ARMH3: variants seen among roughly 807,000 people sequenced by gnomAD.
The protein encoded by ARMH3 is armadillo like helical domain containing 3.
In ARMH3, 60 loss-of-function variants were observed where a neutral mutation model predicts 99.1. The observed-to-expected ratio is 0.61, with a 90% CI of 0.49 to 0.75. The LOEUF (loss-of-function observed/expected upper bound fraction) is 0.75, where lower values mean the gene tolerates loss of function less well. Ranked by LOEUF, ARMH3 falls within the 30% of genes least tolerant of loss-of-function variation. The probability of loss-of-function intolerance (pLI) is 0.00; values close to 1 mark genes in which losing one functional copy is unlikely to be tolerated. For synonymous variants in ARMH3, 285 were observed against 292.8 expected, an observed-to-expected ratio of 0.97 and a Z score of 0.27; for missense variants, 679 against 843.1, an observed-to-expected ratio of 0.81 and a Z score of 2.41.
chr10:101,977,151 T>C (rs773538450), intron 19 of ARMH3, among the ~76,000 whole-genome samples: 8 of 152,214 alleles, frequency 5.3e-5, no homozygotes, highest in Admixed American at 1.3e-4. Flanking sequence ...AACTTTTCTA[T>C]TATCACAAAA....
At chr10:101,941,387 CAAAAGA>C (rs1374299115) in intron 22 of ARMH3, among the ~76,000 whole-genome samples, 1 of 151,898 alleles carries the variant, frequency 6.6e-6, no homozygotes, top group Admixed American at 6.6e-5. Flanking sequence ...TGGACTTTCC[CAAAAGA>C]AAAAAAGTAG....
At chr10:101,907,385 G>T (rs1465250547) in intron 23 of ARMH3, among the ~76,000 whole-genome samples, 101 of 136,874 alleles carry the variant, frequency 7.4e-4, no homozygotes, top group East Asian at 1.7e-3. Flanking sequence ...CTTTGTTTTT[G>T]TTTTTTTTTT....
chr10:101,917,630 A>G (rs1226339907), intron 23 of ARMH3, among the ~76,000 whole-genome samples: 2 of 152,204 alleles, frequency 1.3e-5, no homozygotes, highest in Non-Finnish European at 2.9e-5. Context: ...TCTACTTTGG[A>G]AAATATCTGC....
At chr10:102,018,933 G>A (rs1244025227) in intron 8 of ARMH3, among the ~76,000 whole-genome samples, 1 of 151,908 alleles carries the variant, frequency 6.6e-6, no homozygotes, top group Non-Finnish European at 1.5e-5. Flanking sequence ...CTCCATCCTG[G>A]GCAACGGAGT....
At chr10:102,042,568 C>G (rs2067448030) in intron 1 of ARMH3, among the ~76,000 whole-genome samples, 1 of 152,134 alleles carries the variant, frequency 6.6e-6, no homozygotes, top group Non-Finnish European at 1.5e-5. Context: ...CAGCCAAGGC[C>G]TCAACTCACT....
intron 1 of ARMH3, among the ~76,000 whole-genome samples, chr10:102,043,646 C>G (rs1262170837): frequency 6.6e-6 from 1 of 152,206 alleles, no homozygotes. Flanking sequence ...TTAAATCCTT[C>G]TGGCAAAGAA....
intron 19 of ARMH3, among the ~76,000 whole-genome samples, chr10:101,979,658 T>C (rs766107186): frequency 5.3e-5 from 8 of 152,222 alleles, no homozygotes; most frequent in Non-Finnish European, 7.4e-5. Flanking sequence ...AAAAACTCTG[T>C]GGCCTACGTT....
intron 24 of ARMH3, among the ~76,000 whole-genome samples, chr10:101,870,286 A>C (rs2067103379): frequency 6.6e-6 from 1 of 152,240 alleles, no homozygotes; most frequent in Non-Finnish European, 1.5e-5. Context: ...TTCCTTGAAG[A>C]CACAAATGAT....
chr10:101,933,982 A>G lies in ARMH3; in HGVS notation c.1781+5881T>C, dbSNP rs1843837307. On this transcript the variant is annotated intron_variant, in intron 23 of 25. Coordinates refer to ENST00000370033, the MANE Select transcript of ARMH3 (RefSeq NM_024541.3). ...GTTAAGTGAATTATAGCAATGCAGC[A>G]AAGATTTCAGCCCAAACAGGTGAGT... 3.3e-5 allele frequency among the ~76,000 whole-genome samples: 5 copies of G among 152,354 alleles called. No individual in the cohort carries two copies. The South Asian group carries it at 1.0e-3, about 32-fold the overall frequency.
chr10:102,042,146 C>T (rs1441725163), intron 1 of ARMH3, among the ~76,000 whole-genome samples: 1 of 152,152 alleles, frequency 6.6e-6, no homozygotes, highest in African/African-American at 2.4e-5. Context: ...GTCTTTTAAA[C>T]ATGTTGTCAA....
chr10:101,978,829 T>C (rs922309201), intron 19 of ARMH3, among the ~76,000 whole-genome samples: 9 of 151,944 alleles, frequency 5.9e-5, no homozygotes, highest in African/African-American at 1.9e-4. Flanking sequence ...TAATCCCAGC[T>C]ACTCAGGAGG....
intron 22 of ARMH3, among the ~76,000 whole-genome samples, chr10:101,944,718 G>A (rs1416379948): frequency 1.3e-5 from 2 of 152,006 alleles, no homozygotes; most frequent in Non-Finnish European, 1.5e-5. Context: ...GGAGGCTGAG[G>A]CACAAGAATC....
chr10:102,014,744 A>G (rs1006978618), intron 8 of ARMH3, among the ~76,000 whole-genome samples: 2 of 152,222 alleles, frequency 1.3e-5, no homozygotes, highest in African/African-American at 2.4e-5. Flanking sequence ...TCCAGACCCA[A>G]TCTCAGTTGG....
intron 8 of ARMH3, among the ~76,000 whole-genome samples, chr10:102,019,106 T>C (rs1302686547): frequency 6.6e-6 from 1 of 152,284 alleles, no homozygotes; most frequent in South Asian, 2.1e-4. Context: ...TGGAGTGTAG[T>C]GGTGCGATCT....
At chr10:102,007,421 C>T (rs972768383) in intron 13 of ARMH3, among the ~76,000 whole-genome samples, 1 of 151,078 alleles carries the variant, frequency 6.6e-6, no homozygotes, top group Non-Finnish European at 1.5e-5. Flanking sequence ...CCATCCAGAC[C>T]TGGGATCTCA....
intron 22 of ARMH3, among the ~76,000 whole-genome samples, chr10:101,943,709 G>A (rs933714888): frequency 6.6e-6 from 1 of 152,016 alleles, no homozygotes; most frequent in Non-Finnish European, 1.5e-5. Flanking sequence ...GGGAAAATCA[G>A]TCAGTAGAAA....
At chr10:102,040,959 T>C (rs2067396393) in intron 1 of ARMH3, among the ~76,000 whole-genome samples, 1 of 151,724 alleles carries the variant, frequency 6.6e-6, no homozygotes, top group Admixed American at 6.6e-5. Context: ...TGACTGTCTT[T>C]AGAAATTCCT....
intron 2 of ARMH3, among the ~76,000 whole-genome samples, chr10:102,036,438 G>A (rs1470738443): frequency 6.6e-6 from 1 of 152,178 alleles, no homozygotes; most frequent in Non-Finnish European, 1.5e-5. Flanking sequence ...TAGAAAAGGG[G>A]GAAAGGTGGG....
At position 101,859,246 on chromosome 10, in the gene ARMH3, G is replaced by A. The variant is rs371001043; in HGVS notation, c.1861-9354C>T. Among the ~76,000 whole-genome samples, 80 of 152,304 alleles carry A rather than the reference G, an allele frequency of 5.3e-4. 1 individual carries two copies. The South Asian group carries it at 0.016, about 30-fold the overall frequency. ...AGACTGGGAAAATAAGGAACCCAAG[G>A]TTTTTTCTCTTTTGTTTACCACCTC... is the stretch of plus-strand genomic sequence containing the variant. On this transcript the variant is annotated intron_variant, in intron 24 of 25. Coordinates refer to ENST00000370033, the MANE Select transcript of ARMH3 (RefSeq NM_024541.3).
Sources: gnomAD v4.1 joint callset for allele counts (sites outside exome capture counted in the v4.1 genomes callset) on GRCh38, gnomAD v4.1.1 for gene constraint, MANE v1.5 for transcripts, NCBI Gene and HGNC (gene_info 2026-07-23, HGNC 2026-07-21) for gene names.